NOX3: variants seen among roughly 807,000 people sequenced by gnomAD.
NOX3 encodes the protein NADPH oxidase 3, also known as NADPH oxidase catalytic subunit-like 3.
A neutral mutation model predicts 76.7 loss-of-function variants in NOX3; 74 were observed. That is an observed-to-expected ratio of 0.96 (90% CI 0.80 to 1.17). The LOEUF is 1.17. Among genes scored for constraint, NOX3 ranks in the 50% most tolerant of loss-of-function variants. NOX3 has a pLI of 0.00. For missense variants in NOX3, 695 were observed against 703.3 expected (o/e 0.99, Z 0.13); for synonymous variants, 263 against 261.1 (o/e 1.01, Z -0.07).
chr6:155,411,079 C>T (rs1776543286), intron 11 of NOX3, 135 bp downstream of exon 11: 2 of 642,856 alleles, frequency 3.1e-6, no homozygotes, highest in Middle Eastern at 4.4e-4. Flanking sequence ...TTATTTTATT[C>T]TCCTTTCCCT....
chr6:155,439,822 G>T, intron 6 of NOX3, 134 bp downstream of exon 6: 1 of 614,670 alleles, frequency 1.6e-6, no homozygotes, highest in Non-Finnish European at 2.6e-6. Flanking sequence ...GTTTGCCACA[G>T]TCAATGTGCT....
At chr6:155,422,153 T>C (rs1438658059) in intron 10 of NOX3, among the ~76,000 whole-genome samples, 1 of 152,060 alleles carries the variant, frequency 6.6e-6, no homozygotes, top group African/African-American at 2.4e-5. Flanking sequence ...GGATGGAGTG[T>C]CTAGATACGA....
At chr6:155,427,809 C>A (rs1776776868) in intron 9 of NOX3, among the ~76,000 whole-genome samples, 1 of 152,164 alleles carries the variant, frequency 6.6e-6, no homozygotes, top group Admixed American at 6.5e-5. Flanking sequence ...TGACCCGAAG[C>A]CATTGTTTAC....
At chr6:155,395,972 CAT>C (rs1421106346) in intron 13 of NOX3, among the ~76,000 whole-genome samples, 1 of 152,074 alleles carries the variant, frequency 6.6e-6, no homozygotes, top group Non-Finnish European at 1.5e-5. Flanking sequence ...GAAAAGAAAA[CAT>C]AAAATTTATT....
chr6:155,441,681 G>A (rs570921959), intron 5 of NOX3, among the ~76,000 whole-genome samples: 1 of 152,220 alleles, frequency 6.6e-6, no homozygotes, highest in Non-Finnish European at 1.5e-5. Flanking sequence ...TACTGCATTG[G>A]TAGTAGCTTT....
intron 10 of NOX3, among the ~76,000 whole-genome samples, chr6:155,417,722 T>C (rs1370094003): frequency 6.6e-6 from 1 of 152,318 alleles, no homozygotes; most frequent in South Asian, 2.1e-4. Flanking sequence ...TTAAATTAAA[T>C]GCATTTTTCA....
intron 6 of NOX3, among the ~76,000 whole-genome samples, chr6:155,438,707 C>CT (rs1776942176): frequency 6.6e-6 from 1 of 152,224 alleles, no homozygotes; most frequent in Non-Finnish European, 1.5e-5. Context: ...GTCACCAAGG[C>CT]AGGTGTGACT....
In NOX3 at chr6:155,430,847, G is replaced by T; in HGVS notation, c.887C>A (p.Thr296Asn). 6.2e-7 allele frequency: 1 copy of T among 1,606,708 alleles called. No individual in the cohort carries two copies. The highest frequency in any genetic ancestry group is 1.1e-5 in the South Asian group (1 of 90,880). Residue 296 changes from threonine to asparagine, a missense_variant, in exon 8 of 14, where the codon ACC (threonine) becomes AAC (asparagine). By Grantham distance (65) the Thr-to-Asn change is moderately conservative. Transcript: ENST00000159060. ...GACATAAAGCTACATGCATACCTTG[G>T]TAATGACAACTTCTTGTTGAAATCG... Reference protein sequence around the residue: ...FWRFQQEVVITKVVSHPSGVL... With the variant: ...FWRFQQEVVINKVVSHPSGVL...
At chr6:155,442,832 G>C (rs1777011498) in intron 5 of NOX3, among the ~76,000 whole-genome samples, 1 of 152,192 alleles carries the variant, frequency 6.6e-6, no homozygotes, top group Non-Finnish European at 1.5e-5. Flanking sequence ...GCCAATGTAT[G>C]AGGCATTCGG....
At chr6:155,408,677 C>T (rs1042186012) in intron 11 of NOX3, among the ~76,000 whole-genome samples, 4 of 152,266 alleles carry the variant, frequency 2.6e-5, no homozygotes, top group African/African-American at 9.6e-5. Flanking sequence ...GCAGTACTCA[C>T]AATAGCAAAA....
At chr6:155,401,421 T>C (rs995196792) in intron 12 of NOX3, among the ~76,000 whole-genome samples, 3 of 152,210 alleles carry the variant, frequency 2.0e-5, no homozygotes, top group African/African-American at 7.2e-5. Flanking sequence ...AGTCACATAA[T>C]GAATGTTTAG....
chr6:155,403,752 C>T (rs949549949), intron 12 of NOX3, among the ~76,000 whole-genome samples: 2 of 152,174 alleles, frequency 1.3e-5, no homozygotes, highest in African/African-American at 4.8e-5. Flanking sequence ...CACTTCTCAG[C>T]ACTGAGTTAC....
intron 12 of NOX3, among the ~76,000 whole-genome samples, chr6:155,406,645 G>A (rs1326092769): frequency 6.6e-6 from 1 of 152,180 alleles, no homozygotes; most frequent in Non-Finnish European, 1.5e-5. Flanking sequence ...GACAGAGTCA[G>A]TACCAGGGTA....
intron 12 of NOX3, among the ~76,000 whole-genome samples, chr6:155,399,375 C>T (rs1163920449): frequency 6.6e-6 from 1 of 152,168 alleles, no homozygotes; most frequent in Non-Finnish European, 1.5e-5. Context: ...GCCTGGTGTT[C>T]TCCTGGTGTC....
chr6:155,422,772 T>C lies in NOX3; in HGVS notation c.1230A>G (p.Gly410=). ...PVCVCVAAGI[G]VTPFAALLKS... ...TCAGAAGAGCAGCGAAGGGAGTGAC[T>C]CCGATCCCCGCGGCAACGCACACAC... Residue 410 remains glycine, a synonymous_variant, in exon 10 of 14, where the codon GGA becomes GGG. Coordinates refer to ENST00000159060, the MANE Select transcript of NOX3 (RefSeq NM_015718.3). 6.2e-7 allele frequency: 1 copy of C among 1,614,150 alleles called. No homozygotes were observed. The highest frequency in any genetic ancestry group is 1.1e-5 in the South Asian group (1 of 91,076).
chr6:155,436,267 T>G (rs1468298822), intron 7 of NOX3, 151 bp downstream of exon 7: 1 of 865,828 alleles, frequency 1.2e-6, no homozygotes, highest in Non-Finnish European at 1.8e-6. Flanking sequence ...CTTTAAAAAT[T>G]ATCTGTAACT....
At chr6:155,399,488 A>C (rs943086211) in intron 12 of NOX3, among the ~76,000 whole-genome samples, 1 of 152,162 alleles carries the variant, frequency 6.6e-6, no homozygotes, top group Non-Finnish European at 1.5e-5. Flanking sequence ...GTGGTGATGC[A>C]ATCACCAAAA....
At chr6:155,453,613 A>G (rs992240226) in intron 3 of NOX3, 125 bp from the exon 4 acceptor site, 7 of 730,462 alleles carry the variant, frequency 9.6e-6, no homozygotes, top group Non-Finnish European at 1.7e-5. Context: ...ATGTGACACA[A>G]AAGTTAATGG....
At position 155,453,476 on chromosome 6, in the gene NOX3, G is replaced by A; in HGVS notation, c.268C>T (p.Pro90Ser). ...IRGTSICCRGPWRRQLDKNLR... is the reference protein window; with the variant it reads ...IRGTSICCRGSWRRQLDKNLR... ...TTTTTGTCTAATTGCCTCCTCCACGGTCCTCTGCAGCACTAGAGTAACAAA... is the reference window on the plus strand; with the variant it reads ...TTTTTGTCTAATTGCCTCCTCCACGATCCTCTGCAGCACTAGAGTAACAAA... Residue 90 changes from proline to serine, a missense_variant, in exon 4 of 14, where the codon CCG (proline) becomes TCG (serine). Transcript: ENST00000159060. The A allele has an allele frequency of 6.2e-7, 1 of 1,613,086 alleles. No homozygotes were observed.
Sources: gnomAD v4.1 joint callset for allele counts (sites outside exome capture counted in the v4.1 genomes callset) on GRCh38, gnomAD v4.1.1 for gene constraint, MANE v1.5 for transcripts, NCBI Gene and HGNC (gene_info 2026-07-23, HGNC 2026-07-21) for gene names.